The following BTG3 variants were observed in gnomAD, a reference collection of about 807,000 sequenced individuals.
BTG3 encodes the protein protein BTG3.
BTG3 carries 4 observed loss-of-function variants against 25.8 expected under a neutral mutation model. The ratio of observed to expected loss-of-function variants is 0.16; its 90% CI spans 0.08 to 0.36. The LOEUF (loss-of-function observed/expected upper bound fraction) is 0.36, where lower values mean the gene tolerates loss of function less well. Among genes scored for constraint, BTG3 ranks in the 10% least tolerant of loss-of-function variants. BTG3 has a pLI of 1.00. For synonymous variants in BTG3, 107 were observed against 99.9 expected (o/e 1.07, Z -0.42); for missense variants, 201 against 304.9 (o/e 0.66, Z 2.54).
At chr21:17,603,458 G>A (rs1427431562) in intron 3 of BTG3, among the ~76,000 whole-genome samples, 3 of 152,074 alleles carry the variant, frequency 2.0e-5, no homozygotes, top group Non-Finnish European at 2.9e-5. Flanking sequence ...AACCTCAAGC[G>A]GTGGTCCTGA....
At chr21:17,610,134 TAGACAGA>T (rs1461714404) in intron 1 of BTG3, among the ~76,000 whole-genome samples, 1 of 152,172 alleles carries the variant, frequency 6.6e-6, no homozygotes, top group Non-Finnish European at 1.5e-5. Context: ...CAAATCTATA[TAGACAGA>T]AGACAGATTA....
chr21:17,599,465 C>A (rs887738943), intron 3 of BTG3, among the ~76,000 whole-genome samples: 1 of 148,344 alleles, frequency 6.7e-6, no homozygotes, highest in Non-Finnish European at 1.5e-5. Flanking sequence ...CAGGCATGCG[C>A]CACTGGCTGA....
chr21:17,599,328 G>GTGGT (rs1361000797), intron 3 of BTG3, among the ~76,000 whole-genome samples: 1 of 151,914 alleles, frequency 6.6e-6, no homozygotes, highest in African/African-American at 2.4e-5. Context: ...CTACAGGAGT[G>GTGGT]TACCACCATG....
chr21:17,598,696 G>A lies in BTG3; in HGVS notation c.440C>T (p.Ser147Phe). ...KVTSDYHSGS[S>F]SSDEETSKEM... The stretch of plus-strand genomic sequence containing the variant: ...CTTACTTGTTTCTTCATCTGAAGAA[G>A]AGGATCCTGAATGATAATCAGAGGT... Residue 147 changes from serine (S) to phenylalanine (F), a missense_variant, in exon 4 of 5, where the codon TCT becomes TTT. Ser to Phe is a radical substitution (Grantham distance 155). Around this residue, in one of 2 missense-constraint regions of BTG3, gnomAD observed 70 missense variants for 175.7 expected, o/e 0.40. Coordinates refer to ENST00000348354, the MANE Select transcript of BTG3 (RefSeq NM_006806.5). 6 of 1,614,108 alleles carry A rather than the reference G, an allele frequency of 3.7e-6. No homozygotes were observed. The highest frequency in any genetic ancestry group is 5.1e-6 in the Non-Finnish European group (6 of 1,179,952).
At chr21:17,610,275 T>A (rs1007455605) in intron 1 of BTG3, among the ~76,000 whole-genome samples, 1 of 152,242 alleles carries the variant, frequency 6.6e-6, no homozygotes, top group African/African-American at 2.4e-5. Flanking sequence ...ACTTTGTGAA[T>A]ATACTAAAAC....
intron 2 of BTG3, among the ~76,000 whole-genome samples, chr21:17,607,389 CAA>C (rs368596539): frequency 2.1e-5 from 3 of 145,626 alleles, no homozygotes; most frequent in African/African-American, 7.5e-5. Context: ...TGAAAATATG[CAA>C]AAAAAAAATT....
intron 1 of BTG3, 85 bp from the exon 2 acceptor site, chr21:17,609,237 G>T: frequency 1.6e-6 from 2 of 1,280,936 alleles, no homozygotes; most frequent in Non-Finnish European, 2.1e-6. Context: ...CTCCTTTACA[G>T]CTCTCCCCTT....
chr21:17,601,531 A>G (rs1451436760), intron 3 of BTG3, among the ~76,000 whole-genome samples: 1 of 152,190 alleles, frequency 6.6e-6, no homozygotes, highest in East Asian at 1.9e-4. Flanking sequence ...CTCTAAAACA[A>G]AACAAAACAA....
intron 2 of BTG3, 129 bp downstream of exon 2, chr21:17,608,839 TACAA>T: frequency 1.1e-6 from 1 of 878,638 alleles, no homozygotes; most frequent in Non-Finnish European, 1.6e-6. Context: ...GGAGAAAATA[TACAA>T]ACACCCCAGA....
chr21:17,595,517 T>A (rs1387969115), intron 4 of BTG3, among the ~76,000 whole-genome samples: 1 of 152,010 alleles, frequency 6.6e-6, no homozygotes, highest in Non-Finnish European at 1.5e-5. Flanking sequence ...AAAATATATA[T>A]GTATACTGGA....
At position 17,608,980 on chromosome 21, in the gene BTG3, C is replaced by T; in HGVS notation, c.165G>A (p.Gln55=). 2 of 1,613,180 alleles carry T rather than the reference C, an allele frequency of 1.2e-6. No homozygotes were observed. The highest frequency in any genetic ancestry group is 2.7e-5 in the African/African-American group (2 of 74,890). ...HWYPEKPSKG[Q]AYRCIRVNKF... is the part of the protein sequence containing the mutation. ...CCAATCTAATCCTTTACCTGTAGGCCTGTCCTTTCGATGGTTTTTCTGGAT... is the reference window on the plus strand; with the variant it reads ...CCAATCTAATCCTTTACCTGTAGGCTTGTCCTTTCGATGGTTTTTCTGGAT... Residue 55 remains glutamine (Q), a synonymous_variant, in exon 2 of 5, where the codon CAG becomes CAA. Transcript: ENST00000348354.
At position 17,604,991 on chromosome 21, in the gene BTG3, A is replaced by G; in HGVS notation, c.180T>C (p.Ile60=). The G allele has an allele frequency of 1.2e-6, 2 of 1,613,942 alleles. No homozygotes were observed. Among genetic ancestry groups the G allele is most frequent in the South Asian group, 1.1e-5 (1 of 91,000 alleles). The change falls in exon 3 of 5, where the codon ATT becomes ATC. Residue 60 remains isoleucine (I), a synonymous_variant. Coordinates refer to ENST00000348354, the MANE Select transcript of BTG3 (RefSeq NM_006806.5). ...KPSKGQAYRC[I]RVNKFQRVDP... Reference sequence around the variant, plus strand: ...CAACTCTCTGAAATTTATTGACACGAATACATCTACAACAAAGTGGAGTTA... The same window carrying G: ...CAACTCTCTGAAATTTATTGACACGGATACATCTACAACAAAGTGGAGTTA...
intron 1 of BTG3, 103 bp from the exon 2 acceptor site, chr21:17,609,255 C>G: frequency 9.1e-7 from 1 of 1,094,044 alleles, no homozygotes; most frequent in Non-Finnish European, 1.3e-6. Context: ...CTTCCTCCTT[C>G]CAATTTTATC....
At chr21:17,594,373 AATC>A (rs755516239) in intron 4 of BTG3, 41 bp from the exon 5 acceptor site, 6 of 1,579,542 alleles carry the variant, frequency 3.8e-6, no homozygotes, top group Non-Finnish European at 5.2e-6. Context: ...CAAAGGAAAA[AATC>A]ATCATCTATG....
chr21:17,605,721 TAATA>T (rs1331175321), intron 2 of BTG3, among the ~76,000 whole-genome samples: 1 of 152,184 alleles, frequency 6.6e-6, no homozygotes, highest in East Asian at 1.9e-4. Context: ...ATGGAATGTT[TAATA>T]AATAAAAAAT....
At position 17,594,319 on chromosome 21, in the gene BTG3, A is replaced by C; in HGVS notation, c.533T>G (p.Ile178Arg). 1 of 1,612,902 alleles carries C rather than the reference A, an allele frequency of 6.2e-7. No homozygotes were observed. Among genetic ancestry groups the C allele is most frequent in the Non-Finnish European group, 8.5e-7 (1 of 1,179,200 alleles). The change falls in exon 5 of 5, where the codon ATA becomes AGA. Residue 178 changes from isoleucine (I) to arginine (R), a missense_variant. Around this residue, in one of 2 missense-constraint regions of BTG3, gnomAD observed 131 missense variants for 129.3 expected, o/e 1.01. Coordinates refer to ENST00000348354, the MANE Select transcript of BTG3 (RefSeq NM_006806.5). The part of the protein sequence containing the change: ...ASPVYQISEL[I>R]FPPLPMWHPL... ...GTGCCACATTGGAAGAGGTGGAAAT[A>C]TAAGTTCTGAAATCTGTAGGGAAGA...
intron 3 of BTG3, among the ~76,000 whole-genome samples, chr21:17,602,798 A>G (rs933239662): frequency 2.0e-5 from 3 of 152,236 alleles, no homozygotes; most frequent in African/African-American, 7.2e-5. Flanking sequence ...CCGTATAACT[A>G]AAGTTTTTAT....
intron 2 of BTG3, among the ~76,000 whole-genome samples, chr21:17,605,692 A>C (rs1211555742): frequency 6.6e-6 from 1 of 152,216 alleles, no homozygotes; most frequent in Non-Finnish European, 1.5e-5. Context: ...TTTTTAACCT[A>C]TTATACGACA....
At chr21:17,595,782 T>C (rs918676545) in intron 4 of BTG3, among the ~76,000 whole-genome samples, 2 of 152,078 alleles carry the variant, frequency 1.3e-5, no homozygotes, top group Admixed American at 1.3e-4. Context: ...TATTTTCGTT[T>C]CTTTTGGTAA....
Sources: gnomAD v4.1 joint callset for allele counts (sites outside exome capture counted in the v4.1 genomes callset) on GRCh38, gnomAD v4.1.1 for gene constraint, gnomAD v4.1.1 regional missense constraint, MANE v1.5 for transcripts, NCBI Gene and HGNC (gene_info 2026-07-23, HGNC 2026-07-21) for gene names.